The following NDUFA10 variants were observed in gnomAD, a reference collection of about 807,000 sequenced individuals.
The protein encoded by NDUFA10 is NADH dehydrogenase [ubiquinone] 1 alpha subcomplex subunit 10, mitochondrial.
In NDUFA10, 40 loss-of-function variants were observed where a neutral mutation model predicts 47.8. That is an observed-to-expected ratio of 0.84 (90% CI 0.65 to 1.09). The LOEUF is 1.09. Ranked by LOEUF, NDUFA10 falls within the 50% of genes least tolerant of loss-of-function variation. The pLI is 0.00. For missense variants in NDUFA10, 413 were observed against 451.1 expected (o/e 0.92, Z 0.76); for synonymous variants, 183 against 172.2 (o/e 1.06, Z -0.49).
At chr2:239,947,645 G>A (rs1214982996) in intron 4 of NDUFA10, among the ~76,000 whole-genome samples, 2 of 152,162 alleles carry the variant, frequency 1.3e-5, no homozygotes, top group African/African-American at 2.4e-5. Flanking sequence ...GTCCTGTGAG[G>A]GTCCTCCCGG....
chr2:239,977,863 C>T lies in NDUFA10; in HGVS notation c.999+12211G>A, dbSNP rs555971593. On this transcript the variant is annotated intron_variant, in intron 9 of 9. Coordinates refer to ENST00000252711, the MANE Select transcript of NDUFA10 (RefSeq NM_004544.4). Reference sequence around the variant, plus strand: ...GTCAGCTGGCTTTCTCAGCTACGCTCGCAGCACCCTGGATGTAGGTTCTGT... The same window carrying T: ...GTCAGCTGGCTTTCTCAGCTACGCTTGCAGCACCCTGGATGTAGGTTCTGT... 7.4e-4 allele frequency among the ~76,000 whole-genome samples: 112 copies of T among 152,300 alleles called. 1 individual carries two copies. The highest frequency in any genetic ancestry group is 2.6e-3 in the African/African-American group (110 of 41,566).
At chr2:239,972,518 G>A (rs952880961) in intron 9 of NDUFA10, among the ~76,000 whole-genome samples, 1 of 152,036 alleles carries the variant, frequency 6.6e-6, no homozygotes, top group Non-Finnish European at 1.5e-5. Context: ...TTAAAGAAGA[G>A]CACTATAGAT....
intron 8 of NDUFA10, among the ~76,000 whole-genome samples, chr2:240,000,344 C>T (rs553860795): frequency 6.6e-6 from 1 of 152,268 alleles, no homozygotes; most frequent in Admixed American, 6.5e-5. Context: ...GATACAGATG[C>T]TCCCGACTCC....
intron 8 of NDUFA10, among the ~76,000 whole-genome samples, chr2:239,999,594 G>A (rs565137606): frequency 2.6e-5 from 4 of 152,344 alleles, no homozygotes; most frequent in African/African-American, 7.2e-5. Context: ...TCCCACTGTG[G>A]ATGGCCTGGG....
intron 4 of NDUFA10, among the ~76,000 whole-genome samples, chr2:239,946,753 C>T (rs982520346): frequency 1.2e-4 from 18 of 152,254 alleles, no homozygotes; most frequent in African/African-American, 3.9e-4. Context: ...TAAATGCACT[C>T]ACTCCCTTTG....
intron 9 of NDUFA10, among the ~76,000 whole-genome samples, chr2:239,986,516 T>C (rs1696008941): frequency 6.6e-6 from 1 of 152,192 alleles, no homozygotes; most frequent in Non-Finnish European, 1.5e-5. Context: ...CTGGTGTGTA[T>C]TCACAGTTTT....
downstream of NDUFA10, among the ~76,000 whole-genome samples, chr2:239,952,738 A>ATGGGCC (rs768270930): frequency 1.8e-4 from 28 of 152,304 alleles, no homozygotes; most frequent in Admixed American, 6.5e-4. Flanking sequence ...GGGGACAGGG[A>ATGGGCC]TGGGCCTGGG....
rs1694827627 is a variant in NDUFA10 at position 239,960,881 on chromosome 2, G to C, written c.*237C>G. ...CAGACCACTGTTTTCCAGTGAGAAT[G>C]GTGGGCCATTCCAAAACAAAGCTAA... is the stretch of plus-strand genomic sequence containing the variant. On this transcript the variant is annotated 3_prime_UTR_variant, in exon 10 of 10. Transcript: ENST00000252711. The C allele has an allele frequency of 1.4e-6, 2 of 1,420,302 alleles. No homozygotes were observed. The highest frequency in any genetic ancestry group is 2.7e-5 in the East Asian group (1 of 36,844). The allele number at this position is 1,420,302 out of a possible 1,614,324, so 88.0% of individuals were successfully genotyped here.
chr2:239,952,509 G>A (rs924167838), downstream of NDUFA10, among the ~76,000 whole-genome samples: 4 of 152,194 alleles, frequency 2.6e-5, no homozygotes, highest in African/African-American at 9.7e-5. Flanking sequence ...ATCTGTAGGT[G>A]GGAAGAGCTT....
intron 4 of NDUFA10, among the ~76,000 whole-genome samples, chr2:239,920,043 T>TC (rs1053294385): frequency 2.6e-5 from 4 of 151,798 alleles, no homozygotes; most frequent in Admixed American, 6.6e-5. Flanking sequence ...CCAGGGTGCT[T>TC]CCCCCCCATT....
chr2:239,923,893 C>T (rs576024655), intron 4 of NDUFA10, among the ~76,000 whole-genome samples: 4 of 152,140 alleles, frequency 2.6e-5, no homozygotes, highest in African/African-American at 9.6e-5. Flanking sequence ...ACACAAATTA[C>T]CAATGCTGGA....
downstream of NDUFA10, among the ~76,000 whole-genome samples, chr2:239,956,665 C>T (rs1041045718): frequency 6.6e-6 from 1 of 152,194 alleles, no homozygotes; most frequent in Non-Finnish European, 1.5e-5. Flanking sequence ...CCTGTCACAG[C>T]CACCTTTCTG....
chr2:239,904,097 G>C (rs1245307095), intron 4 of NDUFA10, among the ~76,000 whole-genome samples: 1 of 151,974 alleles, frequency 6.6e-6, no homozygotes, highest in African/African-American at 2.4e-5. Context: ...AGGCAAAGGG[G>C]GCAAAAGGAG....
chr2:239,952,424 G>A (rs1005375614), downstream of NDUFA10, among the ~76,000 whole-genome samples: 5 of 152,298 alleles, frequency 3.3e-5, no homozygotes, highest in Non-Finnish European at 7.4e-5. Flanking sequence ...CCCACTGGCC[G>A]GCAGGGCCCC....
At chr2:239,897,986 C>T (rs556246882) in intron 4 of NDUFA10, among the ~76,000 whole-genome samples, 49 of 152,328 alleles carry the variant, frequency 3.2e-4, no homozygotes, top group African/African-American at 1.1e-3. Flanking sequence ...GGAACCATCC[C>T]TACCAAGAAA....
chr2:239,944,422 G>A (rs143765535), intron 4 of NDUFA10, among the ~76,000 whole-genome samples: 58 of 152,326 alleles, frequency 3.8e-4, no homozygotes, highest in African/African-American at 1.2e-3. Flanking sequence ...CTCTGGTCAC[G>A]GCTCAGGCTG....
At chr2:239,905,931 A>G (rs1304316848) in intron 4 of NDUFA10, among the ~76,000 whole-genome samples, 3 of 151,508 alleles carry the variant, frequency 2.0e-5, no homozygotes, top group African/African-American at 4.9e-5. Flanking sequence ...TGCCAAGTGG[A>G]GGCCGGCCTC....
chr2:239,941,451 C>T lies in NDUFA10; in HGVS notation c.295-46137G>A, dbSNP rs185732022. On this transcript the variant is annotated intron_variant, in intron 4 of 5. Coordinates refer to the NDUFA10 transcript ENST00000419408. ...ACATCAAAACGACAAAGTTCAAGGA[C>T]GTGGTGGCTCACACCTATAATCCCA... 2.2e-4 allele frequency among the ~76,000 whole-genome samples: 34 copies of T among 152,156 alleles called. No individual in the cohort carries two copies. The East Asian group carries it at 2.3e-3, about 10-fold the overall frequency.
At chr2:239,993,650 G>A (rs1012348959) in intron 8 of NDUFA10, among the ~76,000 whole-genome samples, 6 of 152,172 alleles carry the variant, frequency 3.9e-5, no homozygotes, top group Non-Finnish European at 8.8e-5. Flanking sequence ...AATAAACCTG[G>A]TGGGAGTGGG....
Sources: gnomAD v4.1 joint callset for allele counts (sites outside exome capture counted in the v4.1 genomes callset) on GRCh38, gnomAD v4.1.1 for gene constraint, MANE v1.5 for transcripts, NCBI Gene and HGNC (gene_info 2026-07-23, HGNC 2026-07-21) for gene names.